The following MUC12 variants were observed in gnomAD, a reference collection of about 807,000 sequenced individuals.
MUC12 encodes mucin 12, cell surface associated, also known as mucin-12.
In MUC12, 172 loss-of-function variants were observed where a neutral mutation model predicts 230.8. That is an observed-to-expected ratio of 0.75 (90% confidence interval 0.66 to 0.85). The LOEUF is 0.85. Ranked by LOEUF, MUC12 falls within the 40% of genes least tolerant of loss-of-function variation. MUC12 has a pLI of 0.00. For synonymous variants in MUC12, 1,259 were observed against 2,401.9 expected (o/e 0.52, Z 13.91); for missense variants, 3,506 against 5,920.6 (o/e 0.59, Z 13.38).
In MUC12 at chr7:100,975,972, C is replaced by G. The variant is rs189351792; in HGVS notation, c.67+6283C>G. On this transcript the variant is annotated intron_variant, in intron 1 of 11. Transcript: ENST00000536621. ...ACAGTTGGAGAAGTCAATAGAGACC[C>G]GATAGTCTGAGTATCATATTAATAT... Among the ~76,000 whole-genome samples, 18 of 152,390 alleles carry G rather than the reference C, an allele frequency of 1.2e-4. No homozygotes were observed. The East Asian group carries it at 3.5e-3, about 29-fold the overall frequency.
chr7:100,985,430 A>G (rs1793173392), intron 1 of MUC12, among the ~76,000 whole-genome samples: 3 of 152,188 alleles, frequency 2.0e-5, no homozygotes, highest in African/African-American at 7.2e-5. Flanking sequence ...CTCCAGCTGC[A>G]TGGCTCCTAA....
intron 1 of MUC12, among the ~76,000 whole-genome samples, chr7:100,989,114 T>A (rs77263201): frequency 6.7e-6 from 1 of 148,672 alleles, no homozygotes; most frequent in Non-Finnish European, 1.5e-5. Context: ...TTTTTTTTTT[T>A]TTTTGAGACA....
intron 3 of MUC12, among the ~76,000 whole-genome samples, chr7:101,006,861 A>G (rs543163509): frequency 6.6e-6 from 1 of 152,244 alleles, no homozygotes; most frequent in African/African-American, 2.4e-5. Context: ...ACAGGAATGC[A>G]ATATGTAATA....
At position 100,991,444 on chromosome 7, in the gene MUC12, C is replaced by A; in HGVS notation, c.881C>A (p.Thr294Asn). ...GACACTTCGCCTGCACCTTCTGGTACCACATCAGCCTTTGTTAAACTATCT... is the reference window on the plus strand; with the variant it reads ...GACACTTCGCCTGCACCTTCTGGTAACACATCAGCCTTTGTTAAACTATCT... ...SKDTSPAPSG[T>N]TSAFVKLSTT... The change falls in exon 2 of 12, where the codon ACC (threonine) becomes AAC (asparagine). Residue 294 changes from threonine to asparagine, a missense_variant. Thr to Asn is a moderately conservative substitution (Grantham distance 65). Transcript: ENST00000536621. 6.5e-7 allele frequency: 1 copy of A among 1,537,834 alleles called. No individual in the cohort carries two copies.
At chr7:101,014,747 G>C (rs986237854) in intron 9 of MUC12, among the ~76,000 whole-genome samples, 1 of 151,624 alleles carries the variant, frequency 6.6e-6, no homozygotes, top group African/African-American at 2.4e-5. Flanking sequence ...CAAAGTGCTG[G>C]GATTACAGGT....
Position 101,004,911 on chromosome 7 carries a change from C to A in MUC12, c.14348C>A (p.Ala4783Asp), listed in dbSNP as rs756234412. The change falls in exon 2 of 12, where the codon GCC becomes GAC. Residue 4783 changes from alanine to aspartate, a missense_variant. Ala to Asp is a moderately radical substitution (Grantham distance 126, BLOSUM62 -2). Coordinates refer to ENST00000536621, the MANE Select transcript of MUC12 (RefSeq NM_001164462.2). ...TCAACACACACAACAGCGTTCCCTG[C>A]CAGCACCACCACCTCAGGCCTCAGT... ...AESTHTTAFP[A>D]STTTSGLSQE... 2 of 1,537,766 alleles carry A rather than the reference C, an allele frequency of 1.3e-6. No homozygotes were observed. The highest frequency in any genetic ancestry group is 3.9e-5 in the Admixed American group (2 of 50,996).
At chr7:100,987,144 G>A (rs543127736) in intron 1 of MUC12, among the ~76,000 whole-genome samples, 125 of 130,974 alleles carry the variant, frequency 9.5e-4, no homozygotes, top group Non-Finnish European at 1.3e-3. Flanking sequence ...TCGGCTCACC[G>A]CAACCTCTGC....
chr7:100,982,551 C>G (rs149570265), intron 1 of MUC12, among the ~76,000 whole-genome samples: 87 of 151,936 alleles, frequency 5.7e-4, no homozygotes, highest in African/African-American at 1.9e-3. Context: ...ATCCTCCCAC[C>G]TCAGCCTCCC....
At chr7:100,970,945 C>T (rs10085857) in intron 1 of MUC12, among the ~76,000 whole-genome samples, 61,086 of 151,252 alleles carry the variant, frequency 0.4, 13,261 homozygotes, top group East Asian at 0.56. Flanking sequence ...TGCAGTGAGC[C>T]GAGATCGCGC....
intron 1 of MUC12, among the ~76,000 whole-genome samples, chr7:100,970,103 C>T (rs868330499): frequency 5.3e-4 from 81 of 152,400 alleles, no homozygotes; most frequent in African/African-American, 1.9e-3. Context: ...TAGCCCTGGT[C>T]GGGAGAGAGG....
intron 1 of MUC12, among the ~76,000 whole-genome samples, chr7:100,979,712 G>A (rs1475252041): frequency 6.6e-6 from 1 of 151,976 alleles, no homozygotes; most frequent in Admixed American, 6.6e-5. Flanking sequence ...GGAGACAGAG[G>A]TTGCAGTGAG....
Position 100,969,684 on chromosome 7 carries a change from CA to C in MUC12, c.63del (p.Pro22GlnfsTer5). ...CTCTGCGCGTCCGTTACTACAGTGA[CA>C]CCAGGTGAGTGCTCCTGGGCTGATG... ...LRLCASVTTV[T>X]PGSTVNTSIG... On this transcript the variant is annotated frameshift_variant, in exon 1 of 12. Transcript: ENST00000536621. LOFTEE classifies it high-confidence loss of function. 6.5e-7 allele frequency: 1 copy of C among 1,530,866 alleles called. No homozygotes were observed. The highest frequency in any genetic ancestry group is 8.7e-7 in the Non-Finnish European group (1 of 1,144,840). 94.8% of individuals were successfully genotyped at this position (1,530,866 alleles called of 1,614,324 possible). A position where few individuals can be genotyped will look rare whatever the true frequency, so the allele number is the denominator to read the frequency against.
chr7:100,970,275 T>C (rs561222610), intron 1 of MUC12, among the ~76,000 whole-genome samples: 2 of 151,988 alleles, frequency 1.3e-5, no homozygotes, highest in East Asian at 2.0e-4. Flanking sequence ...TCACCTGAGG[T>C]TGGGAGTTCA....
In MUC12 at chr7:101,017,620, A is replaced by G. The variant is rs1228190596; in HGVS notation, c.15923A>G (p.Asn5308Ser). Residue 5308 changes from asparagine (N) to serine (S), a missense_variant, in exon 11 of 12, where the codon AAC becomes AGC. Physicochemically the swap from Asn to Ser is conservative, Grantham distance 46. Transcript: ENST00000536621. The stretch of plus-strand genomic sequence containing the variant: ...AGATTCGGCCTTGAGAACGCCTACA[A>G]CAACTTCCGGCCCACCCTGGAGACT... ...ESRFGLENAY[N>S]NFRPTLETVD... 8 of 1,535,768 alleles carry G rather than the reference A, an allele frequency of 5.2e-6. No individual in the cohort carries two copies. In the African/African-American group the frequency reaches 6.9e-5, roughly 13 times the overall value.
At chr7:101,013,346 A>G (rs1489577776) in intron 8 of MUC12, among the ~76,000 whole-genome samples, 2 of 152,188 alleles carry the variant, frequency 1.3e-5, no homozygotes, top group African/African-American at 4.8e-5. Flanking sequence ...ATAGACATAG[A>G]GGTCCCAAAG....
chr7:100,993,426 AC>A lies in MUC12; in HGVS notation c.2864del (p.Thr955LysfsTer131). On this transcript the variant is annotated frameshift_variant, in exon 2 of 12. Coordinates refer to ENST00000536621, the MANE Select transcript of MUC12 (RefSeq NM_001164462.2). LOFTEE classifies it high-confidence loss of function. The stretch of plus-strand genomic sequence containing the variant: ...CACAACACTCTTCCCTGACAGCACC[AC>A]AAGCTCAGGCATCGTTGAAGCATCT... The part of the protein sequence containing the change: ...THTTLFPDST[T>X]SSGIVEASTR... The A allele has an allele frequency of 9.7e-7, 1 of 1,028,558 alleles. No homozygotes were observed. 63.7% of individuals were successfully genotyped at this position (1,028,558 alleles called of 1,614,324 possible).
In MUC12 at chr7:100,991,760, A is replaced by C. The variant is rs368645810; in HGVS notation, c.1197A>C (p.Ser399=). 218 of 1,537,916 alleles carry C rather than the reference A, an allele frequency of 1.4e-4. No individual in the cohort carries two copies. In the African/African-American group the frequency reaches 2.6e-3, roughly 19 times the overall value. ...FHGSTTHTKS[S]TPSTTAALAH... ...GCAGCACAACACACACAAAATCTTC[A>C]ACTCCTAGCACCACAGCTGCCCTAG... Residue 399 remains serine (S), a synonymous_variant, in exon 2 of 12, where the codon TCA becomes TCC. Coordinates refer to ENST00000536621, the MANE Select transcript of MUC12 (RefSeq NM_001164462.2).
rs112372129 is a variant in MUC12 at position 100,992,055 on chromosome 7, A to G, written c.1492A>G (p.Ser498Gly). The change falls in exon 2 of 12, where the codon AGT becomes GGT. Residue 498 changes from serine (S) to glycine (G), a missense_variant. Coordinates refer to ENST00000536621, the MANE Select transcript of MUC12 (RefSeq NM_001164462.2). ...GLSEKSTTFY[S>G]SPRSPDTTHL... ...CAGTGAGAAATCTACCACTTTCTAC[A>G]GTAGCCCCAGATCACCAGACACAAC... The G allele has an allele frequency of 5.3e-3, 8,136 of 1,536,776 alleles. 26 individuals carry two copies. The highest frequency in any genetic ancestry group is 5.9e-3 in the Non-Finnish European group (6,764 of 1,145,976).
At position 101,006,512 on chromosome 7, in the gene MUC12, G is replaced by C; in HGVS notation, c.14998G>C (p.Val5000Leu). The change falls in exon 3 of 12, where the codon GTC (valine) becomes CTC (leucine). Residue 5000 changes from valine to leucine, a missense_variant. Physicochemically the swap from Val to Leu is conservative, Grantham distance 32 (BLOSUM62 1). Transcript: ENST00000536621. ...ACAAATTTGGAATGGAAAACAATGC[G>C]TCTGTCCCCAAGGCTACGTTGGTTA... is the stretch of plus-strand genomic sequence containing the variant. The part of the protein sequence containing the change: ...EGQIWNGKQC[V>L]CPQGYVGYQC... 4 of 1,537,190 alleles carry C rather than the reference G, an allele frequency of 2.6e-6. No individual in the cohort carries two copies. The highest frequency in any genetic ancestry group is 3.5e-6 in the Non-Finnish European group (4 of 1,146,896).
Sources: allele counts gnomAD v4.1 joint callset (sites outside exome capture counted in the v4.1 genomes callset), GRCh38; gene constraint gnomAD v4.1.1; transcripts MANE v1.5; gene names NCBI Gene and HGNC (gene_info 2026-07-23, HGNC 2026-07-21).